GPC5: variants seen among roughly 807,000 people sequenced by gnomAD.
GPC5 encodes the protein glypican-5.
Under a neutral mutation model 53.9 loss-of-function variants are expected in GPC5, and 47 were observed. The observed-to-expected ratio is 0.87, with a 90% CI of 0.69 to 1.11. The LOEUF (loss-of-function observed/expected upper bound fraction) is 1.11, where lower values mean the gene tolerates loss of function less well. Among genes scored for constraint, GPC5 ranks in the 50% most tolerant of loss-of-function variants. GPC5 has a pLI of 0.00. For synonymous variants in GPC5, 286 were observed against 263.3 expected (o/e 1.09, Z -0.84); for missense variants, 748 against 713.1 (o/e 1.05, Z -0.56).
intron 1 of GPC5, among the ~76,000 whole-genome samples, chr13:91,439,938 T>C (rs1024691607): frequency 6.6e-6 from 1 of 152,222 alleles, no homozygotes; most frequent in Admixed American, 6.5e-5. Flanking sequence ...ATAAAATTCT[T>C]CTACAAGGCC....
intron 7 of GPC5, among the ~76,000 whole-genome samples, chr13:92,420,566 A>G (rs544383111): frequency 2.0e-5 from 3 of 152,286 alleles, no homozygotes; most frequent in Non-Finnish European, 2.9e-5. Flanking sequence ...CTGTTGTGCT[A>G]TCAAATACTA....
intron 2 of GPC5, among the ~76,000 whole-genome samples, chr13:91,654,117 C>T (rs2034788484): frequency 6.6e-6 from 1 of 152,106 alleles, no homozygotes; most frequent in Non-Finnish European, 1.5e-5. Flanking sequence ...GGATATTTAC[C>T]AGGGCAGTTT....
At chr13:91,716,087 T>C (rs1278639405) in intron 3 of GPC5, among the ~76,000 whole-genome samples, 3 of 145,140 alleles carry the variant, frequency 2.1e-5, no homozygotes, top group Non-Finnish European at 4.7e-5. Context: ...CCCATCTTGA[T>C]TTTTTTTTTT....
chr13:92,193,927 C>T (rs1253614137), intron 7 of GPC5, among the ~76,000 whole-genome samples: 4 of 152,150 alleles, frequency 2.6e-5, no homozygotes, highest in African/African-American at 7.2e-5. Flanking sequence ...TCTTATCCAA[C>T]TATATACATT....
chr13:92,282,211 G>T (rs1030159607), intron 7 of GPC5, among the ~76,000 whole-genome samples: 3 of 152,190 alleles, frequency 2.0e-5, no homozygotes, highest in Admixed American at 6.5e-5. Context: ...AGAGTAAAAA[G>T]AAATGAACAA....
chr13:91,511,725 CTT>C (rs1348745290), intron 2 of GPC5, among the ~76,000 whole-genome samples: 2 of 151,208 alleles, frequency 1.3e-5, no homozygotes, highest in East Asian at 1.9e-4. Context: ...TTTTTCAACT[CTT>C]ATAAAATTTC....
intron 3 of GPC5, among the ~76,000 whole-genome samples, chr13:91,727,949 G>A (rs1312056390): frequency 6.6e-6 from 1 of 151,838 alleles, no homozygotes; most frequent in Non-Finnish European, 1.5e-5. Context: ...TTTTCAATGG[G>A]GATAAATTAT....
At chr13:91,779,395 T>G (rs533006832) in intron 5 of GPC5, among the ~76,000 whole-genome samples, 167 of 152,240 alleles carry the variant, frequency 1.1e-3, no homozygotes, top group Non-Finnish European at 1.8e-3. Context: ...GGGTCTCATG[T>G]TGTTGCCCAG....
At chr13:92,053,790 G>T (rs544087478) in intron 6 of GPC5, among the ~76,000 whole-genome samples, 1 of 151,944 alleles carries the variant, frequency 6.6e-6, no homozygotes, top group African/African-American at 2.4e-5. Flanking sequence ...AGCACTTTGG[G>T]AGGCCGAGGT....
At chr13:92,069,715 C>T (rs2041195842) in intron 6 of GPC5, among the ~76,000 whole-genome samples, 1 of 152,050 alleles carries the variant, frequency 6.6e-6, no homozygotes, top group Non-Finnish European at 1.5e-5. Context: ...TGTATAAGAT[C>T]ATGACTATCA....
At position 92,058,186 on chromosome 13, in the gene GPC5, T is replaced by C. The variant is rs149841257; in HGVS notation, c.1402-86644T>C. On this transcript the variant is annotated intron_variant, in intron 6 of 7. Transcript: ENST00000377067. The stretch of plus-strand genomic sequence containing the variant: ...GAGGGTCTTTAGATTTTTTAAAAAA[T>C]ATATTTTTAATTTTTATTTTTTTGT... Among the ~76,000 whole-genome samples, 453 of 152,234 alleles carry C rather than the reference T, an allele frequency of 3.0e-3. 1 individual carries two copies. The highest frequency in any genetic ancestry group is 0.01 in the African/African-American group (422 of 41,564).
intron 5 of GPC5, among the ~76,000 whole-genome samples, chr13:91,883,057 CCTT>C (rs2039284494): frequency 6.6e-6 from 1 of 152,082 alleles, no homozygotes; most frequent in African/African-American, 2.4e-5. Context: ...GAGTGATTCT[CCTT>C]CTCTCACATC....
chr13:91,980,098 A>G lies in GPC5; in HGVS notation c.1401+72041A>G, dbSNP rs534980389. Among the ~76,000 whole-genome samples the G allele has an allele frequency of 2.0e-5, 3 of 152,342 alleles. No homozygotes were observed. In the East Asian group the frequency reaches 5.8e-4, roughly 29 times the overall value. On this transcript the variant is annotated intron_variant, in intron 6 of 7. Coordinates refer to ENST00000377067, the MANE Select transcript of GPC5 (RefSeq NM_004466.6). ...AAGAGCAAAGCTGTGATTGGAGGGAAAAAAAGCTTCCAAAGTTTAGTCCAT... is the reference window on the plus strand; with the variant it reads ...AAGAGCAAAGCTGTGATTGGAGGGAGAAAAAGCTTCCAAAGTTTAGTCCAT...
chr13:91,827,373 A>G (rs1375416255), intron 5 of GPC5, among the ~76,000 whole-genome samples: 3 of 152,002 alleles, frequency 2.0e-5, no homozygotes, highest in Admixed American at 1.3e-4. Context: ...AAAGACACTT[A>G]TAATATGCAC....
At chr13:92,356,908 T>C (rs2043527070) in intron 7 of GPC5, among the ~76,000 whole-genome samples, 1 of 152,158 alleles carries the variant, frequency 6.6e-6, no homozygotes, top group Non-Finnish European at 1.5e-5. Flanking sequence ...TTCCCCATGG[T>C]CTGTTATGTC....
intron 7 of GPC5, among the ~76,000 whole-genome samples, chr13:92,783,765 C>T (rs1457454774): frequency 6.6e-6 from 1 of 152,158 alleles, no homozygotes; most frequent in African/African-American, 2.4e-5. Context: ...AAGGTGATCC[C>T]ATATGACATC....
chr13:92,743,910 C>T (rs948404300), intron 7 of GPC5, among the ~76,000 whole-genome samples: 1 of 152,042 alleles, frequency 6.6e-6, no homozygotes, highest in African/African-American at 2.4e-5. Context: ...TATGTTGAAC[C>T]AGCCTTGCAC....
rs1482723288 is a variant in GPC5 at position 92,639,981 on chromosome 13, TCTCTCTCTCA to T, written c.1562-226285_1562-226276del. Among the ~76,000 whole-genome samples, 16 of 151,690 alleles carry T rather than the reference TCTCTCTCTCA, an allele frequency of 1.1e-4. 1 individual carries two copies. The highest frequency in any genetic ancestry group is 1.5e-4 in the African/African-American group (6 of 41,302). On this transcript the variant is annotated intron_variant, in intron 7 of 7. Transcript: ENST00000377067. ...CTGAGGATTTTTTTTTTTCTCTCTC[TCTCTCTCTCA>T]CTCTCTCTCACTCTCCCTTCTCCCT...
chr13:91,562,756 A>G lies in GPC5; in HGVS notation c.325+113834A>G, dbSNP rs370762086. ...TTCTTATGTATCTTGCTAGTTCTTA[A>G]GGAAATAAGATTACTGAAAAAGTAA... On this transcript the variant is annotated intron_variant, in intron 2 of 7. Coordinates refer to ENST00000377067, the MANE Select transcript of GPC5 (RefSeq NM_004466.6). Among the ~76,000 whole-genome samples, 3 of 151,926 alleles carry G rather than the reference A, an allele frequency of 2.0e-5. No individual in the cohort carries two copies. In the East Asian group the frequency reaches 5.8e-4, roughly 29 times the overall value.
Sources: allele counts gnomAD v4.1 joint callset (sites outside exome capture counted in the v4.1 genomes callset), GRCh38; gene constraint gnomAD v4.1.1; transcripts MANE v1.5; gene names NCBI Gene and HGNC (gene_info 2026-07-23, HGNC 2026-07-21).